Variants in ERC2 observed in about 807,000 individuals in gnomAD.
ERC2 encodes the protein ERC protein 2.
A neutral mutation model predicts 114.8 loss-of-function variants in ERC2; 42 were observed. The observed-to-expected ratio is 0.37, with a 90% CI of 0.29 to 0.47. The LOEUF (loss-of-function observed/expected upper bound fraction) is 0.47, where lower values mean the gene tolerates loss of function less well. Ranked by LOEUF, ERC2 falls within the 20% of genes least tolerant of loss-of-function variation. ERC2 has a pLI of 0.99. For synonymous variants in ERC2, 454 were observed against 425.5 expected (o/e 1.07, Z -0.82); for missense variants, 939 against 1,150.7 (o/e 0.82, Z 2.66).
intron 6 of ERC2, among the ~76,000 whole-genome samples, chr3:56,099,403 A>C: frequency 6.6e-6 from 1 of 152,144 alleles, no homozygotes; most frequent in East Asian, 1.9e-4. Flanking sequence ...AATGTTTATT[A>C]TTTTTTATGG....
chr3:55,706,009 C>A (rs571138357), intron 15 of ERC2, among the ~76,000 whole-genome samples: 1 of 152,096 alleles, frequency 6.6e-6, no homozygotes, highest in African/African-American at 2.4e-5. Flanking sequence ...GCATCTTCCT[C>A]GGCTTGAGGT....
At chr3:56,446,611 C>CTT (rs71099636) in intron 1 of ERC2, among the ~76,000 whole-genome samples, 49 of 120,194 alleles carry the variant, frequency 4.1e-4, no homozygotes, top group South Asian at 1.1e-3. Context: ...GCATTTTCTT[C>CTT]TTTTTTTTTT....
At chr3:56,343,192 T>TCTCTCTCACACACACA (rs1376220124) in intron 2 of ERC2, among the ~76,000 whole-genome samples, 15 of 126,208 alleles carry the variant, frequency 1.2e-4, no homozygotes, top group African/African-American at 4.5e-4. Flanking sequence ...TCTCTCTCTC[T>TCTCTCTCACACACACA]CACACACACA....
chr3:56,410,405 G>A (rs1056363616), intron 2 of ERC2, among the ~76,000 whole-genome samples: 5 of 152,328 alleles, frequency 3.3e-5, no homozygotes, highest in Middle Eastern at 3.4e-3. Flanking sequence ...CCCACAGCAC[G>A]ATATTCCTGT....
chr3:55,527,911 TAGGGTAGAGTC>T (rs2053432604), intron 17 of ERC2, among the ~76,000 whole-genome samples: 1 of 152,050 alleles, frequency 6.6e-6, no homozygotes, highest in Non-Finnish European at 1.5e-5. Context: ...GAGGAGGCAA[TAGGGTAGAGTC>T]AGGGTAGAGT....
intron 17 of ERC2, among the ~76,000 whole-genome samples, chr3:55,678,976 A>G (rs1307491923): frequency 6.6e-6 from 1 of 152,172 alleles, no homozygotes; most frequent in African/African-American, 2.4e-5. Flanking sequence ...TCTCTCACAG[A>G]TCATGGAACA....
At chr3:56,074,047 G>C (rs1214205625) in intron 7 of ERC2, among the ~76,000 whole-genome samples, 2 of 151,988 alleles carry the variant, frequency 1.3e-5, no homozygotes, top group Non-Finnish European at 2.9e-5. Context: ...ATCTCTGCTG[G>C]TTTTGTCCTA....
intron 14 of ERC2, among the ~76,000 whole-genome samples, chr3:55,812,746 C>A (rs573031916): frequency 6.6e-6 from 1 of 152,276 alleles, no homozygotes; most frequent in South Asian, 2.1e-4. Flanking sequence ...TATCTCAGGG[C>A]AAGGCACACA....
chr3:55,843,657 G>A (rs1373848988), intron 14 of ERC2, among the ~76,000 whole-genome samples: 1 of 152,176 alleles, frequency 6.6e-6, no homozygotes, highest in South Asian at 2.1e-4. Flanking sequence ...TTTAAATGTG[G>A]AATGTTTGCA....
chr3:55,608,291 G>T (rs1221793485), intron 17 of ERC2, among the ~76,000 whole-genome samples: 2 of 152,220 alleles, frequency 1.3e-5, no homozygotes, highest in African/African-American at 4.8e-5. Context: ...AGAAAGGATA[G>T]CTTCTTAACC....
chr3:56,010,946 G>A lies in ERC2; in HGVS notation c.1780-357C>T, dbSNP rs373090054. Among the ~76,000 whole-genome samples, 60 of 152,308 alleles carry A rather than the reference G, an allele frequency of 3.9e-4. 1 individual carries two copies. The South Asian group carries it at 0.012, about 31-fold the overall frequency. On this transcript the variant is annotated intron_variant, in intron 8 of 17. Coordinates refer to ENST00000288221, the MANE Select transcript of ERC2 (RefSeq NM_015576.3). ...TCCAGACCTACCACAGCCTTGCACA[G>A]GAAAGGGGAAGAAGTAGAACATGCC...
chr3:56,340,542 ATGTG>A (rs10690369), intron 2 of ERC2, among the ~76,000 whole-genome samples: 2,695 of 141,518 alleles, frequency 0.019, 31 homozygotes, highest in Middle Eastern at 0.074. Context: ...GAGAGAGTGA[ATGTG>A]TGTGTGTGTG....
chr3:56,271,532 C>G (rs1183428380), intron 3 of ERC2, among the ~76,000 whole-genome samples: 2 of 152,108 alleles, frequency 1.3e-5, no homozygotes, highest in Non-Finnish European at 2.9e-5. Context: ...GAATTAAGTA[C>G]AATCACGGGC....
chr3:55,769,849 T>A (rs1213371279), intron 14 of ERC2, among the ~76,000 whole-genome samples: 2 of 152,188 alleles, frequency 1.3e-5, no homozygotes, highest in Non-Finnish European at 2.9e-5. Context: ...GGCAAGTGAA[T>A]GGAAGGAGGG....
intron 14 of ERC2, among the ~76,000 whole-genome samples, chr3:55,800,298 C>T (rs1429120240): frequency 1.3e-5 from 2 of 152,092 alleles, no homozygotes; most frequent in Admixed American, 1.3e-4. Context: ...CACGTGCTAC[C>T]ACGCCCGGCT....
intron 10 of ERC2, chr3:56,003,075 C>G: frequency 7.8e-7 from 1 of 1,287,514 alleles, no homozygotes; most frequent in South Asian, 1.2e-5. Flanking sequence ...TATGTTACAG[C>G]GGGAACTTTC....
intron 17 of ERC2, among the ~76,000 whole-genome samples, chr3:55,643,071 TC>T (rs1387789530): frequency 1.3e-5 from 2 of 152,204 alleles, no homozygotes; most frequent in Non-Finnish European, 2.9e-5. Flanking sequence ...GAGAAACTTT[TC>T]TGCAGGACCC....
At chr3:56,262,729 G>C (rs761820383) in intron 3 of ERC2, among the ~76,000 whole-genome samples, 2 of 152,192 alleles carry the variant, frequency 1.3e-5, no homozygotes, top group Non-Finnish European at 2.9e-5. Context: ...TCATTTGCAA[G>C]ATGAAGGTCC....
chr3:56,194,382 G>A (rs189905009), intron 3 of ERC2, among the ~76,000 whole-genome samples: 24 of 152,302 alleles, frequency 1.6e-4, no homozygotes, highest in Non-Finnish European at 2.2e-4. Context: ...ATCCAATGAT[G>A]TCCAATGTGC....
Sources: allele counts gnomAD v4.1 joint callset (sites outside exome capture counted in the v4.1 genomes callset), GRCh38; gene constraint gnomAD v4.1.1; transcripts MANE v1.5; gene names NCBI Gene and HGNC (gene_info 2026-07-23, HGNC 2026-07-21).